The following PTPN9 variants were observed in gnomAD, a reference collection of about 807,000 sequenced individuals.
PTPN9 encodes the protein tyrosine-protein phosphatase non-receptor type 9.
A neutral mutation model predicts 69.8 loss-of-function variants in PTPN9; 26 were observed. That is an observed-to-expected ratio of 0.37 (90% CI 0.27 to 0.52). The LOEUF (loss-of-function observed/expected upper bound fraction) is 0.52. Ranked by LOEUF, PTPN9 falls within the 20% of genes least tolerant of loss-of-function variation. PTPN9 has a pLI of 0.91. For missense variants in PTPN9, 549 were observed against 740.3 expected, an observed-to-expected ratio of 0.74 and a Z score of 3.00; for synonymous variants, 274 against 272.5, an observed-to-expected ratio of 1.01 and a Z score of -0.05.
rs2075014731 is a variant in PTPN9, at chr15:75,542,758, T to A, written c.64-15497A>T. On this transcript the variant is annotated intron_variant, in intron 1 of 12. Coordinates refer to ENST00000618819, the MANE Select transcript of PTPN9 (RefSeq NM_002833.4). ...TATTCCTTTTCAAATGCTATTTCTG[T>A]CTCCTTTGGCTCATGGTTCCTTTGT... Among the ~76,000 whole-genome samples the A allele has an allele frequency of 3.9e-5, 6 of 152,130 alleles. No individual in the cohort carries two copies. The South Asian group carries it at 1.0e-3, about 26-fold the overall frequency.
intron 1 of PTPN9, among the ~76,000 whole-genome samples, chr15:75,569,652 C>CGGA (rs2075140271): frequency 8.0e-6 from 1 of 125,320 alleles, no homozygotes; most frequent in African/African-American, 3.1e-5. Flanking sequence ...TTGCAGTGAG[C>CGGA]GGAGATAGTG....
At chr15:75,577,639 A>C (rs1171773799) in intron 1 of PTPN9, among the ~76,000 whole-genome samples, 2 of 152,248 alleles carry the variant, frequency 1.3e-5, no homozygotes. Context: ...TTAGCCAATA[A>C]TAGTTTGTAA....
At chr15:75,498,471 T>G (rs201551284) in intron 7 of PTPN9, among the ~76,000 whole-genome samples, 2 of 151,850 alleles carry the variant, frequency 1.3e-5, no homozygotes, top group East Asian at 3.9e-4. Flanking sequence ...TCCCAGCACT[T>G]TGGGAGGCCG....
chr15:75,468,906 G>A lies in PTPN9; in HGVS notation c.1645C>T (p.Arg549Cys), dbSNP rs1264582051. The change falls in exon 13 of 13, where the codon CGC becomes TGC. Residue 549 changes from arginine to cysteine, a missense_variant. Around this residue, in one of 3 missense-constraint regions of PTPN9, gnomAD observed 457 missense variants for 661.9 expected, o/e 0.69. Coordinates refer to ENST00000618819, the MANE Select transcript of PTPN9 (RefSeq NM_002833.4). ...CTGAAGGCCCTCTGGGTCCTCATGCGTGACACCGTCTGGAACACATTAAGG... is the reference window on the plus strand; with the variant it reads ...CTGAAGGCCCTCTGGGTCCTCATGCATGACACCGTCTGGAACACATTAAGG... The part of the protein sequence containing the change: ...GTLNVFQTVS[R>C]MRTQRAFSIQ... 8 of 1,614,086 alleles carry A rather than the reference G, an allele frequency of 5.0e-6. No homozygotes were observed. Among genetic ancestry groups the A allele is most frequent in the African/African-American group, 2.7e-5 (2 of 74,920 alleles).
chr15:75,544,569 C>A (rs1221442850), intron 1 of PTPN9, among the ~76,000 whole-genome samples: 2 of 152,006 alleles, frequency 1.3e-5, no homozygotes. Context: ...CACACACACA[C>A]AAAAACAAGA....
At chr15:75,523,842 G>A (rs1464781505) in intron 3 of PTPN9, among the ~76,000 whole-genome samples, 1 of 152,002 alleles carries the variant, frequency 6.6e-6, no homozygotes, top group African/African-American at 2.4e-5. Context: ...GAAACTATTA[G>A]TAATTCAATT....
intron 1 of PTPN9, among the ~76,000 whole-genome samples, chr15:75,553,982 C>A (rs1170336009): frequency 1.3e-5 from 2 of 151,038 alleles, no homozygotes; most frequent in African/African-American, 2.4e-5. Context: ...CCATTTCAAA[C>A]CTGCTAGACC....
intron 7 of PTPN9, among the ~76,000 whole-genome samples, chr15:75,494,259 C>G (rs945712133): frequency 6.6e-6 from 1 of 151,632 alleles, no homozygotes; most frequent in Non-Finnish European, 1.5e-5. Flanking sequence ...AGCCCTAGAA[C>G]TAAATAACAA....
chr15:75,517,885 C>CA (rs138323869), intron 4 of PTPN9, among the ~76,000 whole-genome samples: 5,832 of 152,264 alleles, frequency 0.038, 417 homozygotes, highest in African/African-American at 0.13. Flanking sequence ...ATCCCTAGCA[C>CA]AGCCCTTAAA....
intron 10 of PTPN9, among the ~76,000 whole-genome samples, chr15:75,471,923 A>G (rs1016272372): frequency 6.6e-6 from 1 of 151,958 alleles, no homozygotes; most frequent in Non-Finnish European, 1.5e-5. Context: ...AGCCTGCACA[A>G]TAGAGTGAGA....
rs1455725296 is a variant in PTPN9 at position 75,494,965 on chromosome 15, G to A, written c.969-4664C>T. 1.1e-4 allele frequency among the ~76,000 whole-genome samples: 17 copies of A among 151,870 alleles called. 1 individual carries two copies. The highest frequency in any genetic ancestry group is 6.2e-4 in the South Asian group (3 of 4,810). On this transcript the variant is annotated intron_variant, in intron 7 of 12. Coordinates refer to ENST00000618819, the MANE Select transcript of PTPN9 (RefSeq NM_002833.4). The stretch of plus-strand genomic sequence containing the variant: ...CTTGAACCCAGAAGGTGGAGGTTGC[G>A]GTGAGCTGAGATTGTGCCACTGCAC...
intron 7 of PTPN9, among the ~76,000 whole-genome samples, chr15:75,504,128 G>A (rs1392943512): frequency 8.0e-6 from 1 of 124,252 alleles, no homozygotes; most frequent in Admixed American, 7.6e-5. Flanking sequence ...GAGGGAGGTG[G>A]GGAGGTCAGC....
intron 9 of PTPN9, among the ~76,000 whole-genome samples, chr15:75,475,456 G>A (rs1595945677): frequency 6.6e-6 from 1 of 152,180 alleles, no homozygotes; most frequent in African/African-American, 2.4e-5. Flanking sequence ...GCAGGTGCCT[G>A]TAATCCCAGC....
At chr15:75,480,319 CTT>C (rs1813943730) in intron 8 of PTPN9, among the ~76,000 whole-genome samples, 1 of 152,122 alleles carries the variant, frequency 6.6e-6, no homozygotes, top group Non-Finnish European at 1.5e-5. Context: ...AAATTAAAAA[CTT>C]ATGCCAGGCG....
At chr15:75,572,177 CAAAA>C (rs1193490437) in intron 1 of PTPN9, among the ~76,000 whole-genome samples, 1 of 151,450 alleles carries the variant, frequency 6.6e-6, no homozygotes, top group East Asian at 2.0e-4. Flanking sequence ...ACTAAAAATA[CAAAA>C]ATAAGCCAGG....
Position 75,470,890 on chromosome 15 carries a change from C to T in PTPN9, c.1209-60G>A, listed in dbSNP as rs2074560490. ...GTTCCTCTCCACAGCAGTAACCTGG[C>T]TTCCCCAAAGACCTGATATACCCCC... is the stretch of plus-strand genomic sequence containing the variant. On this transcript the variant is annotated intron_variant, in intron 10 of 12. Transcript: ENST00000618819. 9.5e-6 allele frequency: 15 copies of T among 1,576,810 alleles called. 1 individual carries two copies. In the South Asian group the frequency reaches 1.5e-4, roughly 16 times the overall value.
At chr15:75,521,855 C>T (rs895427036) in intron 4 of PTPN9, among the ~76,000 whole-genome samples, 3 of 152,134 alleles carry the variant, frequency 2.0e-5, no homozygotes, top group Non-Finnish European at 2.9e-5. Context: ...TACAGAGATT[C>T]GGATGTTAAA....
At chr15:75,516,798 G>A (rs1595958815) in intron 5 of PTPN9, among the ~76,000 whole-genome samples, 2 of 143,964 alleles carry the variant, frequency 1.4e-5, no homozygotes, top group East Asian at 4.1e-4. Context: ...AGGCTGGAGT[G>A]CAGTGGCACA....
At chr15:75,578,640 ACTCGGGAGGCAGAGGCCGGCGTAGGC>A in intron 1 of PTPN9, 48 bp downstream of exon 1, 3 of 1,175,802 alleles carry the variant, frequency 2.6e-6, no homozygotes, top group Non-Finnish European at 3.2e-6. Context: ...AAGAGCCGGC[ACTCGGGAGGCAGAGGCCGGCGTAGGC>A]CTCGGGGGCC....
Sources: gnomAD v4.1 joint callset for allele counts (sites outside exome capture counted in the v4.1 genomes callset) on GRCh38, gnomAD v4.1.1 for gene constraint, gnomAD v4.1.1 regional missense constraint, MANE v1.5 for transcripts, NCBI Gene and HGNC (gene_info 2026-07-23, HGNC 2026-07-21) for gene names.